Variants in PDE3B observed in about 807,000 individuals in gnomAD.
PDE3B encodes cGMP-inhibited 3',5'-cyclic phosphodiesterase 3B.
A neutral mutation model predicts 116.8 loss-of-function variants in PDE3B; 66 were observed. The ratio of observed to expected loss-of-function variants is 0.56; its 90% CI spans 0.46 to 0.69. PDE3B has a LOEUF of 0.69. PDE3B is among the 30% of genes least tolerant of loss of function. The pLI, the probability that PDE3B is intolerant of heterozygous loss-of-function variation, is 0.00. For synonymous variants in PDE3B, 595 were observed against 533.6 expected (o/e 1.12, Z -1.59); for missense variants, 1,384 against 1,368.1 (o/e 1.01, Z -0.18).
chr11:14,892,227 A>C, the PDE3B span: 1 of 1,601,466 alleles, frequency 6.2e-7, no homozygotes, highest in Non-Finnish European at 8.5e-7. Context: ...GGAGGTGCGA[A>C]CTCCACAGCA....
At chr11:14,783,380 C>A (rs1251758241) in intron 2 of PDE3B, among the ~76,000 whole-genome samples, 1 of 152,134 alleles carries the variant, frequency 6.6e-6, no homozygotes, top group Non-Finnish European at 1.5e-5. Context: ...CAGTGATAGA[C>A]TGGATTAAGA....
chr11:14,733,901 G>A (rs1856527333), intron 1 of PDE3B, among the ~76,000 whole-genome samples: 2 of 152,126 alleles, frequency 1.3e-5, no homozygotes, highest in African/African-American at 4.8e-5. Flanking sequence ...AGAATTTGCT[G>A]TATTAAAAAC....
chr11:14,795,997 A>C (rs1011560361), intron 4 of PDE3B, among the ~76,000 whole-genome samples: 2 of 151,958 alleles, frequency 1.3e-5, no homozygotes, highest in Non-Finnish European at 2.9e-5. Flanking sequence ...CCTACATTAG[A>C]TATTTCTCCT....
At chr11:14,898,856 A>G in the PDE3B span, among the ~76,000 whole-genome samples, 1 of 151,974 alleles carries the variant, frequency 6.6e-6, no homozygotes, top group Non-Finnish European at 1.5e-5. Context: ...ACTGAAAGCC[A>G]CCCTACTAAA....
chr11:14,854,113 A>G (rs1847805603), intron 12 of PDE3B, among the ~76,000 whole-genome samples: 1 of 152,204 alleles, frequency 6.6e-6, no homozygotes, highest in African/African-American at 2.4e-5. Flanking sequence ...ATTTCTGGAA[A>G]ATGAAAAATG....
chr11:14,818,335 C>T lies in PDE3B; in HGVS notation c.1675C>T (p.Pro559Ser), dbSNP rs144212674. 2.0e-5 allele frequency: 33 copies of T among 1,613,540 alleles called. No individual in the cohort carries two copies. The highest frequency in any genetic ancestry group is 2.6e-5 in the Non-Finnish European group (31 of 1,179,582). Residue 559 changes from proline to serine, a missense_variant, in exon 6 of 16, where the codon CCT becomes TCT. By Grantham distance (74) the Pro-to-Ser change is moderately conservative. Around this residue, in one of 2 missense-constraint regions of PDE3B, gnomAD observed 956 missense variants for 806.8 expected, o/e 1.18. Coordinates refer to ENST00000282096, the MANE Select transcript of PDE3B (RefSeq NM_000922.4). Reference sequence around the variant, plus strand: ...CTTGCAGAGATCTCTGGGCAATGCACCTAATACTCCAGATTTTTATCAGCA... The same window carrying T: ...CTTGCAGAGATCTCTGGGCAATGCATCTAATACTCCAGATTTTTATCAGCA... The part of the protein sequence containing the change: ...VILQRSLGNA[P>S]NTPDFYQQLR...
intron 1 of PDE3B, among the ~76,000 whole-genome samples, chr11:14,666,534 T>C (rs1854159540): frequency 6.6e-6 from 1 of 151,176 alleles, no homozygotes; most frequent in South Asian, 2.1e-4. Context: ...AACCTACTCA[T>C]CTGACAAAGG....
In PDE3B at chr11:14,817,204, A is replaced by G. The variant is rs572186895; in HGVS notation, c.1523-979A>G. ...TCGCAAGGACAGAAAACCAAACACC[A>G]TATGTCCTCACTCATAGGTGGGAAT... is the stretch of plus-strand genomic sequence containing the variant. On this transcript the variant is annotated intron_variant, in intron 5 of 15. Coordinates refer to ENST00000282096, the MANE Select transcript of PDE3B (RefSeq NM_000922.4). Among the ~76,000 whole-genome samples, 6 of 151,814 alleles carry G rather than the reference A, an allele frequency of 4.0e-5. No individual in the cohort carries two copies. The South Asian group carries it at 8.3e-4, about 21-fold the overall frequency.
intron 1 of PDE3B, 56 bp downstream of exon 1, chr11:14,645,109 C>T: frequency 1.6e-6 from 2 of 1,285,754 alleles, no homozygotes; most frequent in Non-Finnish European, 2.0e-6. Flanking sequence ...TTTACCGCTG[C>T]AGTTTCCGAG....
At chr11:14,785,086 T>C (rs1341073612) in intron 2 of PDE3B, among the ~76,000 whole-genome samples, 1 of 152,130 alleles carries the variant, frequency 6.6e-6, no homozygotes, top group Admixed American at 6.5e-5. Flanking sequence ...CTAATTGTAA[T>C]GGGATATGGA....
chr11:14,795,871 CTTATTA>C (rs940476746), intron 4 of PDE3B, among the ~76,000 whole-genome samples: 16 of 151,562 alleles, frequency 1.1e-4, no homozygotes, highest in Admixed American at 3.3e-4. Context: ...AATTCATTAT[CTTATTA>C]TTATTATTAT....
At chr11:14,768,947 A>G (rs1857565273) in intron 1 of PDE3B, among the ~76,000 whole-genome samples, 1 of 151,454 alleles carries the variant, frequency 6.6e-6, no homozygotes, top group Non-Finnish European at 1.5e-5. Context: ...CAAAATCACT[A>G]ATGTGCTACT....
Position 14,869,762 on chromosome 11 carries a change from C to A in PDE3B, c.*102C>A. 1 of 910,854 alleles carries A rather than the reference C, an allele frequency of 1.1e-6. No individual in the cohort carries two copies. Among genetic ancestry groups the A allele is most frequent in the Non-Finnish European group, 1.7e-6 (1 of 593,472 alleles). The allele number at this position is 910,854 out of a possible 1,614,324, so 56.4% of individuals were successfully genotyped here. On this transcript the variant is annotated 3_prime_UTR_variant, in exon 16 of 16. Transcript: ENST00000282096. ...TGTTCACCGGCTGACTCTCAACTGACCATTCCCATGTGGACAGGCCTTAAT... is the reference window on the plus strand; with the variant it reads ...TGTTCACCGGCTGACTCTCAACTGAACATTCCCATGTGGACAGGCCTTAAT...
downstream of PDE3B, among the ~76,000 whole-genome samples, chr11:14,875,021 T>C (rs968964180): frequency 6.6e-6 from 1 of 151,996 alleles, no homozygotes; most frequent in Non-Finnish European, 1.5e-5. Flanking sequence ...AGCACCACCA[T>C]CTCCTTGGCA....
At chr11:14,828,357 A>G (rs1309631855) in intron 7 of PDE3B, among the ~76,000 whole-genome samples, 2 of 152,376 alleles carry the variant, frequency 1.3e-5, no homozygotes, top group East Asian at 3.9e-4. Context: ...GCACAGCAAA[A>G]TAAACTATCA....
At chr11:14,786,073 T>C in intron 2 of PDE3B, among the ~76,000 whole-genome samples, 1 of 152,092 alleles carries the variant, frequency 6.6e-6, no homozygotes, top group Non-Finnish European at 1.5e-5. Flanking sequence ...CAGGTATGTT[T>C]GCTACAAAAC....
chr11:14,870,527 A>G lies in PDE3B; in HGVS notation c.*867A>G, dbSNP rs1488606108. 1 of 152,626 alleles carries G rather than the reference A, an allele frequency of 6.6e-6. No homozygotes were observed. Among genetic ancestry groups the G allele is most frequent in the Non-Finnish European group, 1.5e-5 (1 of 68,040 alleles). The allele number at this position is 152,626 out of a possible 1,614,324, so 9.5% of individuals were successfully genotyped here. A position where few individuals can be genotyped will look rare whatever the true frequency, so the allele number is the denominator to read the frequency against. Reference sequence around the variant, plus strand: ...ACACAGCACAGATTTGTTAGAAGAAAAAAAATTTGCTGTAATACCAAAACT... The same window carrying G: ...ACACAGCACAGATTTGTTAGAAGAAGAAAAATTTGCTGTAATACCAAAACT... On this transcript the variant is annotated 3_prime_UTR_variant, in exon 16 of 16. Transcript: ENST00000282096. This position sits in a 1 kb window ranked among gnomAD's most constrained non-coding sequence, Gnocchi z 4.1.
intron 5 of PDE3B, among the ~76,000 whole-genome samples, chr11:14,806,719 C>T (rs187500570): frequency 1.3e-5 from 2 of 150,780 alleles, no homozygotes; most frequent in Non-Finnish European, 3.0e-5. Context: ...ATTAGCCGGG[C>T]GTAGTGGCGG....
chr11:14,831,518 A>C (rs1164325797), intron 8 of PDE3B, 122 bp from the exon 9 acceptor site: 1 of 492,028 alleles, frequency 2.0e-6, no homozygotes, highest in African/African-American at 2.0e-5. Context: ...ATTTAAGAAT[A>C]ACCATTATAG....
Sources: gnomAD v4.1 joint callset for allele counts (sites outside exome capture counted in the v4.1 genomes callset) on GRCh38, gnomAD v4.1.1 for gene constraint, gnomAD v4.1.1 regional missense constraint, Gnocchi (gnomAD v3.1) non-coding constraint, MANE v1.5 for transcripts, NCBI Gene and HGNC (gene_info 2026-07-23, HGNC 2026-07-21) for gene names.